The following ZNF311 variants were observed in gnomAD, a reference collection of about 807,000 sequenced individuals.
The protein encoded by ZNF311 is zinc finger protein zfp31.
In ZNF311, 14 loss-of-function variants were observed where a neutral mutation model predicts 22.7. The observed-to-expected ratio is 0.62, with a 90% CI of 0.41 to 0.96. ZNF311 has a LOEUF of 0.96. ZNF311 is among the 40% of genes least tolerant of loss of function. The pLI, the probability that ZNF311 is intolerant of heterozygous loss-of-function variation, is 0.00. For missense variants in ZNF311, 731 were observed against 799.0 expected (o/e 0.91, Z 1.03); for synonymous variants, 250 against 275.3 (o/e 0.91, Z 0.91).
Position 29,004,028 on chromosome 6 carries a change from A to G in ZNF311, c.-74T>C. ...TTCCTACTGGTCAGATCCAGTTCTC[A>G]AACAAGCTGTGAAGTGGCTCCAGTT... is the stretch of plus-strand genomic sequence containing the variant. On this transcript the variant is annotated 5_prime_UTR_variant, in exon 2 of 7. It removes the in-frame stop codon of an upstream open reading frame in the 5' UTR. Coordinates refer to ENST00000377179, the MANE Select transcript of ZNF311 (RefSeq NM_001382360.1). 1.2e-6 allele frequency: 2 copies of G among 1,607,512 alleles called. No individual in the cohort carries two copies. The highest frequency in any genetic ancestry group is 1.7e-6 in the Non-Finnish European group (2 of 1,175,882).
chr6:29,000,726 A>G (rs1286521425), intron 3 of ZNF311, among the ~76,000 whole-genome samples: 1 of 152,112 alleles, frequency 6.6e-6, no homozygotes, highest in Non-Finnish European at 1.5e-5. Context: ...AACTTTATAA[A>G]GAGTGTCCAA....
intron 3 of ZNF311, among the ~76,000 whole-genome samples, chr6:29,002,145 C>T (rs1348845208): frequency 6.6e-6 from 1 of 152,108 alleles, no homozygotes; most frequent in Non-Finnish European, 1.5e-5. Context: ...AAACAGGCTA[C>T]ATGAAAAAAC....
chr6:29,004,078 C>G lies in ZNF311; in HGVS notation c.-124G>C, dbSNP rs1027610554. 7.5e-6 allele frequency: 12 copies of G among 1,604,220 alleles called. No individual in the cohort carries two copies. The highest frequency in any genetic ancestry group is 1.0e-5 in the Non-Finnish European group (12 of 1,175,472). On this transcript the variant is annotated 5_prime_UTR_variant, in exon 2 of 7. It removes an upstream start codon present in the reference 5' UTR. Coordinates refer to ENST00000377179, the MANE Select transcript of ZNF311 (RefSeq NM_001382360.1). ...TGATGCCAGCCTCCTTTGGAGAACA[C>G]ATGTTTTGGTGGTGCCAGCCAAAGG...
intron 3 of ZNF311, among the ~76,000 whole-genome samples, chr6:29,002,311 G>A (rs1201071481): frequency 1.3e-5 from 2 of 152,142 alleles, no homozygotes; most frequent in Non-Finnish European, 1.5e-5. Context: ...AAGACTGGGA[G>A]ACTCGTGCAT....
rs761264824 is a variant in ZNF311 at position 28,995,287 on chromosome 6, TG to T, written c.1714del (p.Gln572SerfsTer27). On this transcript the variant is annotated frameshift_variant, in exon 7 of 7. Transcript: ENST00000377179. LOFTEE classifies it low-confidence loss of function (END_TRUNC). The surrounding 1 kb of genome is among the most constrained non-coding windows in gnomAD (Gnocchi z 4.7). The part of the protein sequence containing the change: ...MAFHHSSVLR[Q>X]HKRIHTGEKP... Reference sequence around the variant, plus strand: ...CTCACCAGTGTGGATTCTTTTGTGCTGCCTCAGGACTGAACTATGATGGAAG... The same window carrying T: ...CTCACCAGTGTGGATTCTTTTGTGCTCCTCAGGACTGAACTATGATGGAAG... The T allele has an allele frequency of 8.1e-6, 13 of 1,613,970 alleles. No individual in the cohort carries two copies. The highest frequency in any genetic ancestry group is 6.7e-5 in the Admixed American group (4 of 60,028).
intron 1 of ZNF311, among the ~76,000 whole-genome samples, chr6:29,004,442 C>CTTT (rs9280531): frequency 4.6e-4 from 14 of 30,628 alleles, no homozygotes; most frequent in South Asian, 1.5e-3. Flanking sequence ...TTCCTCCTTT[C>CTTT]TTTTTTTTTT....
intron 3 of ZNF311, among the ~76,000 whole-genome samples, chr6:29,000,416 C>T (rs1159541092): frequency 2.0e-5 from 3 of 152,132 alleles, no homozygotes. Context: ...ATACTGAAGT[C>T]ATTTCTTCCA....
rs1189413235 is a variant in ZNF311, at chr6:28,996,412, G to A, written c.590C>T (p.Thr197Ile). 3.1e-6 allele frequency: 5 copies of A among 1,610,678 alleles called. No individual in the cohort carries two copies. The African/African-American group carries it at 5.3e-5, about 17-fold the overall frequency. ...TTCTCTCAGTTTCTCCCTTATAGAT[G>A]TTTCCCATTGATTCTCTAATTTGAC... ...QDVKLENQWE[T>I]SIREKLREEK... The change falls in exon 7 of 7, where the codon ACA becomes ATA. Residue 197 changes from threonine (T) to isoleucine (I), a missense_variant. Physicochemically the swap from Thr to Ile is moderately conservative, Grantham distance 89 (BLOSUM62 -1). Coordinates refer to ENST00000377179, the MANE Select transcript of ZNF311 (RefSeq NM_001382360.1).
In ZNF311 at chr6:28,995,650, T is replaced by C. The variant is rs1446957523; in HGVS notation, c.1352A>G (p.Asp451Gly). ...KHYGCPQCGK[D>G]FSIKAELTKH... The stretch of plus-strand genomic sequence containing the variant: ...GGTGAGTTCTGCCTTGATGCTGAAG[T>C]CTTTTCCACACTGGGGACACCCATA... Residue 451 changes from aspartate to glycine, a missense_variant, in exon 7 of 7, where the codon GAC becomes GGC. Coordinates refer to ENST00000377179, the MANE Select transcript of ZNF311 (RefSeq NM_001382360.1). The surrounding 1 kb of genome is among the most constrained non-coding windows in gnomAD (Gnocchi z 4.7). The C allele has an allele frequency of 2.5e-6, 4 of 1,613,466 alleles. No homozygotes were observed. Among genetic ancestry groups the C allele is most frequent in the Non-Finnish European group, 3.4e-6 (4 of 1,180,030 alleles).
rs758695384 is a variant in ZNF311, at chr6:28,995,368, T to C, written c.1634A>G (p.His545Arg). ...AFSGKSNLTN[H>R]RRIHTGEKPH... is the part of the protein sequence containing the mutation. ...CTTCTCTCCAGTGTGAATTCTTCGA[T>C]GATTGGTCAAGTTTGACTTCCCACT... Residue 545 changes from histidine (H) to arginine (R), a missense_variant, in exon 7 of 7, where the codon CAT becomes CGT. By Grantham distance (29) the His-to-Arg change is conservative. Transcript: ENST00000377179. This position sits in a 1 kb window ranked among gnomAD's most constrained non-coding sequence, Gnocchi z 4.7. 3 of 1,614,110 alleles carry C rather than the reference T, an allele frequency of 1.9e-6. No homozygotes were observed. Among genetic ancestry groups the C allele is most frequent in the South Asian group, 1.1e-5 (1 of 91,090 alleles).
chr6:28,996,301 T>G lies in ZNF311; in HGVS notation c.701A>C (p.His234Pro), dbSNP rs780596433. 4 of 1,613,018 alleles carry G rather than the reference T, an allele frequency of 2.5e-6. No homozygotes were observed. The highest frequency in any genetic ancestry group is 2.5e-6 in the Non-Finnish European group (3 of 1,180,044). Reference protein sequence around the residue: ...LSKNLNPNSKHSQCNKVLIAQ... With the variant: ...LSKNLNPNSKPSQCNKVLIAQ... ...TATAAGAACTTTATTACATTGACTATGTTTTGAGTTTGGATTCAAGTTTTT... is the reference window on the plus strand; with the variant it reads ...TATAAGAACTTTATTACATTGACTAGGTTTTGAGTTTGGATTCAAGTTTTT... Residue 234 changes from histidine (H) to proline (P), a missense_variant, in exon 7 of 7, where the codon CAT becomes CCT. Coordinates refer to ENST00000377179, the MANE Select transcript of ZNF311 (RefSeq NM_001382360.1).
At chr6:29,000,108 T>C in intron 3 of ZNF311, 61 bp from the exon 4 acceptor site, 2 of 1,485,280 alleles carry the variant, frequency 1.3e-6, no homozygotes, top group Non-Finnish European at 1.8e-6. Flanking sequence ...ATCTCCTGCA[T>C]TCGTCTTCTC....
chr6:29,004,027 C>A lies in ZNF311; in HGVS notation c.-73G>T. 2 of 1,607,590 alleles carry A rather than the reference C, an allele frequency of 1.2e-6. No homozygotes were observed. Among genetic ancestry groups the A allele is most frequent in the Non-Finnish European group, 1.7e-6 (2 of 1,175,898 alleles). ...CTTCCTACTGGTCAGATCCAGTTCT[C>A]AAACAAGCTGTGAAGTGGCTCCAGT... On this transcript the variant is annotated 5_prime_UTR_variant, in exon 2 of 7. The change abolishes the stop of an existing upstream ORF in the 5' untranslated region. Coordinates refer to ENST00000377179, the MANE Select transcript of ZNF311 (RefSeq NM_001382360.1).
chr6:29,003,088 C>G (rs910987319), intron 3 of ZNF311, among the ~76,000 whole-genome samples: 2 of 152,154 alleles, frequency 1.3e-5, no homozygotes, highest in African/African-American at 4.8e-5. Context: ...CCAGAAAGGT[C>G]TGCAGAAGTA....
At chr6:28,999,698 G>A in intron 4 of ZNF311, 85 bp from the exon 5 acceptor site, 1 of 1,519,056 alleles carries the variant, frequency 6.6e-7, no homozygotes, top group Non-Finnish European at 8.8e-7. Context: ...TTTGCAAGGA[G>A]GAGGTTTATA....
intron 3 of ZNF311, among the ~76,000 whole-genome samples, chr6:29,000,879 C>T (rs186050873): frequency 6.6e-6 from 1 of 152,000 alleles, no homozygotes; most frequent in East Asian, 1.9e-4. Flanking sequence ...TGGGTTCACA[C>T]CATTCTCCTG....
intron 1 of ZNF311, among the ~76,000 whole-genome samples, 185 bp downstream of exon 1, chr6:29,004,823 C>T (rs1780965264): frequency 6.6e-6 from 1 of 151,960 alleles, no homozygotes; most frequent in African/African-American, 2.4e-5. Flanking sequence ...CCATACCGAC[C>T]TTCCTTCTCT....
Position 28,995,389 on chromosome 6 carries a change from C to A in ZNF311, c.1613G>T (p.Gly538Val). Residue 538 changes from glycine (G) to valine (V), a missense_variant, in exon 7 of 7, where the codon GGG becomes GTG. Physicochemically the swap from Gly to Val is moderately radical, Grantham distance 109. Coordinates refer to ENST00000377179, the MANE Select transcript of ZNF311 (RefSeq NM_001382360.1). This position sits in a 1 kb window ranked among gnomAD's most constrained non-coding sequence, Gnocchi z 4.7. ...KCLECGKAFS[G>V]KSNLTNHRRI... ...TCGATGATTGGTCAAGTTTGACTTC[C>A]CACTGAAAGCTTTCCCACACTCTAA... The A allele has an allele frequency of 6.2e-7, 1 of 1,614,024 alleles. No homozygotes were observed. The highest frequency in any genetic ancestry group is 1.1e-5 in the South Asian group (1 of 91,080).
At chr6:28,997,469 A>G (rs1032584315) in intron 6 of ZNF311, among the ~76,000 whole-genome samples, 4 of 152,168 alleles carry the variant, frequency 2.6e-5, no homozygotes, top group African/African-American at 9.7e-5. Context: ...CTCCAAATAC[A>G]TCTTATTAAT....
Sources: gnomAD v4.1 joint callset for allele counts (sites outside exome capture counted in the v4.1 genomes callset) on GRCh38, gnomAD v4.1.1 for gene constraint, Gnocchi (gnomAD v3.1) non-coding constraint, MANE v1.5 for transcripts, NCBI Gene and HGNC (gene_info 2026-07-23, HGNC 2026-07-21) for gene names.